The following TTN variants were observed in gnomAD, a reference collection of about 807,000 sequenced individuals.
TTN encodes the protein connectin.
In TTN, 1,525 loss-of-function variants were observed where a neutral mutation model predicts 3,223.0. That is an observed-to-expected ratio of 0.47 (90% confidence interval 0.45 to 0.49). TTN has a LOEUF of 0.49. TTN is among the 20% of genes least tolerant of loss of function. The pLI, the probability that TTN is intolerant of heterozygous loss-of-function variation, is 0.00. For missense variants in TTN, 40,786 were observed against 43,424.0 expected (o/e 0.94, Z 5.40); for synonymous variants, 14,094 against 15,161.0 (o/e 0.93, Z 5.17).
chr2:178,556,756 A>C lies in TTN; in HGVS notation c.88306+92T>G, dbSNP rs571644554. The C allele has an allele frequency of 2.1e-6, 3 of 1,456,172 alleles. No individual in the cohort carries two copies. The South Asian group carries it at 3.7e-5, about 18-fold the overall frequency. 90.2% of individuals were successfully genotyped at this position (1,456,172 alleles called of 1,614,324 possible). ...CAAAAACCCCATTAAGGCACAGAGT[A>C]AAAGTTATTCTATAGGATTAGAACC... On this transcript the variant is annotated intron_variant, in intron 330 of 362. Transcript: ENST00000589042.
At chr2:178,725,222 A>T in intron 71 of TTN, 146 bp downstream of exon 71, 1 of 871,184 alleles carries the variant, frequency 1.1e-6, no homozygotes, top group Non-Finnish European at 1.6e-6. Context: ...TGTTTGAAAG[A>T]TCAACTATGT....
Position 178,534,684 on chromosome 2 carries a change from A to C in TTN, c.101931T>G (p.Thr33977=), listed in dbSNP as rs1317238851. The C allele has an allele frequency of 6.2e-7, 1 of 1,613,834 alleles. No individual in the cohort carries two copies. Among genetic ancestry groups the C allele is most frequent in the South Asian group, 1.1e-5 (1 of 91,082 alleles). Residue 33977 remains threonine (T), a synonymous_variant, in exon 358 of 363, where the codon ACT becomes ACG. Coordinates refer to ENST00000589042, the MANE Select transcript of TTN (RefSeq NM_001267550.2). The stretch of plus-strand genomic sequence containing the variant: ...CTTCAGGTGCATAGTATTCTGGGGC[A>C]GTGAATAGAAGCCTGAAGTTGTCCC... ...KPGDNFRLLF[T]APEYYAPEVH...
chr2:178,753,119 A>G lies in TTN; in HGVS notation c.11311+5T>C, dbSNP rs1156357413. 2 of 1,607,950 alleles carry G rather than the reference A, an allele frequency of 1.2e-6. No individual in the cohort carries two copies. The highest frequency in any genetic ancestry group is 1.7e-6 in the Non-Finnish European group (2 of 1,176,158). On this transcript the variant is annotated splice_donor_5th_base_variant and intron_variant, in intron 47 of 362. Coordinates refer to ENST00000589042, the MANE Select transcript of TTN (RefSeq NM_001267550.2). Reference sequence around the variant, plus strand: ...ACTTAAATCTCACATCCATTATAACAATACCTTTCATTTCCATCTCAATCT... The same window carrying G: ...ACTTAAATCTCACATCCATTATAACGATACCTTTCATTTCCATCTCAATCT...
At chr2:178,647,356 CA>C (rs768343861) in intron 214 of TTN, 24 bp downstream of exon 214, 21 of 1,547,590 alleles carry the variant, frequency 1.4e-5, no homozygotes, top group Non-Finnish European at 1.1e-5. Flanking sequence ...GTCATCTTTC[CA>C]AGATTTATGG....
At position 178,605,615 on chromosome 2, in the gene TTN, T is replaced by C. The variant is rs1200778787; in HGVS notation, c.53680A>G (p.Ile17894Val). 6.2e-7 allele frequency: 1 copy of C among 1,612,326 alleles called. No homozygotes were observed. The highest frequency in any genetic ancestry group is 8.5e-7 in the Non-Finnish European group (1 of 1,178,830). Reference protein sequence around the residue: ...KEPRSNGGSPIQGYIIEKRRH... With the variant: ...KEPRSNGGSPVQGYIIEKRRH... Reference sequence around the variant, plus strand: ...CGTTTTTCAATGATATATCCTTGGATGGGACTGCCACCATTACTGCGGGGC... The same window carrying C: ...CGTTTTTCAATGATATATCCTTGGACGGGACTGCCACCATTACTGCGGGGC... The change falls in exon 279 of 363, where the codon ATC becomes GTC. Residue 17894 changes from isoleucine (I) to valine (V), a missense_variant. Transcript: ENST00000589042.
At chr2:178,614,397 T>C (rs1310955969) in intron 261 of TTN, 49 bp from the exon 262 acceptor site, 2 of 1,578,844 alleles carry the variant, frequency 1.3e-6, no homozygotes, top group Non-Finnish European at 8.6e-7. Flanking sequence ...CACCATTTTT[T>C]TTATTTTTTT....
chr2:178,710,457 A>G (rs959300169), intron 98 of TTN, among the ~76,000 whole-genome samples, 178 bp downstream of exon 98: 6 of 152,226 alleles, frequency 3.9e-5, no homozygotes, highest in Non-Finnish European at 8.8e-5. Context: ...GAGGAAAGAA[A>G]GAAATACAGA....
Position 178,553,285 on chromosome 2 carries a change from G to T in TTN, c.89615C>A (p.Thr29872Lys). The change falls in exon 335 of 363, where the codon ACA becomes AAA. Residue 29872 changes from threonine (T) to lysine (K), a missense_variant. Coordinates refer to ENST00000589042, the MANE Select transcript of TTN (RefSeq NM_001267550.2). ...AAGATTCTTCTCATCTTTTCTCCAT[G>T]TGACAGTAGGTGGAGGTCTGCCTTT... is the stretch of plus-strand genomic sequence containing the variant. The part of the protein sequence containing the change: ...PFKGRPPPTV[T>K]WRKDEKNLGS... The T allele has an allele frequency of 6.2e-7, 1 of 1,609,760 alleles. No homozygotes were observed. The highest frequency in any genetic ancestry group is 8.5e-7 in the Non-Finnish European group (1 of 1,179,800).
intron 43 of TTN, among the ~76,000 whole-genome samples, chr2:178,763,371 AATCTTGAT>A (rs2089706177): frequency 6.6e-6 from 1 of 152,248 alleles, no homozygotes; most frequent in African/African-American, 2.4e-5. Flanking sequence ...TACCTAACTT[AATCTTGAT>A]AATAATCTTA....
intron 49 of TTN, chr2:178,737,178 C>T (rs1458867704): frequency 1.3e-5 from 2 of 152,000 alleles, no homozygotes; most frequent in Non-Finnish European, 2.9e-5. Context: ...GAAAAGCTTG[C>T]TACTAATATT....
At position 178,722,151 on chromosome 2, in the gene TTN, A is replaced by C. The variant is rs762364237; in HGVS notation, c.22529-17T>G. 1 of 1,537,646 alleles carries C rather than the reference A, an allele frequency of 6.5e-7. No homozygotes were observed. The highest frequency in any genetic ancestry group is 8.7e-7 in the Non-Finnish European group (1 of 1,146,080). On this transcript the variant is annotated splice_polypyrimidine_tract_variant and intron_variant, in intron 77 of 362. Coordinates refer to ENST00000589042, the MANE Select transcript of TTN (RefSeq NM_001267550.2). ...TCTTGGGTTCTGGAGGATGAGAAGA[A>C]AGGCAATGTGTATTTTTTGTTTGTT...
rs993206696 is a variant in TTN, at chr2:178,677,265, A to G, written c.34314T>C (p.Pro11438=). ...PAPVPEVPKK[P]VPEKKVPVPA... is the part of the protein sequence containing the mutation. ...GAACAGGGACTTTCTTCTCTGGTAC[A>G]GGTTTCTTTGGCACTTCAGGCACTT... is the stretch of plus-strand genomic sequence containing the variant. Residue 11438 remains proline (P), a synonymous_variant, in exon 147 of 363, where the codon CCT becomes CCC. Coordinates refer to ENST00000589042, the MANE Select transcript of TTN (RefSeq NM_001267550.2). The G allele has an allele frequency of 3.3e-6, 4 of 1,216,544 alleles. No homozygotes were observed. In the South Asian group the frequency reaches 1.7e-4, roughly 51 times the overall value. 75.4% of individuals were successfully genotyped at this position (1,216,544 alleles called of 1,614,324 possible). A position where few individuals can be genotyped will look rare whatever the true frequency, so the allele number is the denominator to read the frequency against.
In TTN at chr2:178,576,309, A is replaced by T. The variant is rs267599039; in HGVS notation, c.69823T>A (p.Tyr23275Asn). ...HYDGGLEITG[Y>N]VVEHQKVGDE... ...CCTACTTTTTGATGCTCCACGACAT[A>T]GCCAGTGATTTCAAGTCCACCATCA... Residue 23275 changes from tyrosine to asparagine, a missense_variant, in exon 326 of 363, where the codon TAT (tyrosine) becomes AAT (asparagine). Physicochemically the swap from Tyr to Asn is moderately radical, Grantham distance 143. Transcript: ENST00000589042. The surrounding 1 kb of genome is among the most constrained non-coding windows in gnomAD (Gnocchi z 4.3). 1 of 1,577,552 alleles carries T rather than the reference A, an allele frequency of 6.3e-7. No homozygotes were observed. The highest frequency in any genetic ancestry group is 1.9e-5 in the Admixed American group (1 of 52,980).
intron 47 of TTN, chr2:178,746,951 G>A (rs529478042): frequency 4.3e-6 from 7 of 1,613,552 alleles, no homozygotes; most frequent in Non-Finnish European, 5.9e-6. Flanking sequence ...TTCTGTAGGT[G>A]TGTAGAAATG....
In TTN at chr2:178,621,637, A is replaced by T; in HGVS notation, c.45187T>A (p.Trp15063Arg). 6.2e-7 allele frequency: 1 copy of T among 1,612,438 alleles called. No homozygotes were observed. The highest frequency in any genetic ancestry group is 1.3e-5 in the African/African-American group (1 of 74,906). ...ATGATCTCCTCATCCCCTTTATACC[A>T]AATCACTTCTGCGCCAGGTTTGGAG... The part of the protein sequence containing the change: ...EVSKPGAEVI[W>R]YKGDEEIIET... The change falls in exon 245 of 363, where the codon TGG becomes AGG. Residue 15063 changes from tryptophan (W) to arginine (R), a missense_variant. Physicochemically the swap from Trp to Arg is moderately radical, Grantham distance 101. Coordinates refer to ENST00000589042, the MANE Select transcript of TTN (RefSeq NM_001267550.2).
rs2067130950 is a variant in TTN at position 178,672,236 on chromosome 2, A to T, written c.34962T>A (p.Val11654=). The change falls in exon 155 of 363, where the codon GTT becomes GTA. Residue 11654 remains valine, a synonymous_variant. Coordinates refer to ENST00000589042, the MANE Select transcript of TTN (RefSeq NM_001267550.2). ...TTACTACTACTTCTTGGCGGAAGGCAACTGATACTTTTTCTTCAAGGACAG... is the reference window on the plus strand; with the variant it reads ...TTACTACTACTTCTTGGCGGAAGGCTACTGATACTTTTTCTTCAAGGACAG... ...GRTVLEEKVS[V]AFRQEVVVKE... 6.4e-7 allele frequency: 1 copy of T among 1,569,728 alleles called. No individual in the cohort carries two copies. The highest frequency in any genetic ancestry group is 1.4e-5 in the African/African-American group (1 of 73,258).
At position 178,543,465 on chromosome 2, in the gene TTN, C is replaced by T; in HGVS notation, c.96508G>A (p.Val32170Ile). 6.2e-7 allele frequency: 1 copy of T among 1,613,766 alleles called. No individual in the cohort carries two copies. Among genetic ancestry groups the T allele is most frequent in the Non-Finnish European group, 8.5e-7 (1 of 1,179,760 alleles). Residue 32170 changes from valine to isoleucine, a missense_variant, in exon 347 of 363, where the codon GTA becomes ATA. Coordinates refer to ENST00000589042, the MANE Select transcript of TTN (RefSeq NM_001267550.2). ...SKTLYRISGL[V>I]EGTMYYFRVL... ...CTGAAATAGTACATGGTTCCTTCTA[C>T]AAGTCCAGAAATTCTGTAAAGTGTC...
Position 178,613,768 on chromosome 2 carries a change from T to C in TTN, c.49515A>G (p.Val16505=), listed in dbSNP as rs536137729. 1 of 1,612,456 alleles carries C rather than the reference T, an allele frequency of 6.2e-7. No homozygotes were observed. The highest frequency in any genetic ancestry group is 2.2e-5 in the East Asian group (1 of 44,752). Reference sequence around the variant, plus strand: ...GAGCATACCTGTATGTTGTGTCCTTTACTGGCATCTTATTGCATCTAACCC... The same window carrying C: ...GAGCATACCTGTATGTTGTGTCCTTCACTGGCATCTTATTGCATCTAACCC... ...DKWVRCNKMP[V]KDTTYRVKGL... is the part of the protein sequence containing the mutation. Residue 16505 remains valine (V), a synonymous_variant, in exon 263 of 363, where the codon GTA becomes GTG. Transcript: ENST00000589042.
chr2:178,572,621 C>T lies in TTN; in HGVS notation c.73511G>A (p.Ser24504Asn). 1 of 1,613,206 alleles carries T rather than the reference C, an allele frequency of 6.2e-7. No individual in the cohort carries two copies. Among genetic ancestry groups the T allele is most frequent in the South Asian group, 1.1e-5 (1 of 90,994 alleles). ...SGKYILTVEN[S>N]SGSKSAFVNV... ...GACAAATGCAGACTTGCTGCCTGAA[C>T]TATTTTCTACAGTTAGTATATATTT... Residue 24504 changes from serine (S) to asparagine (N), a missense_variant, in exon 326 of 363, where the codon AGT becomes AAT. By Grantham distance (46) the Ser-to-Asn change is conservative. Coordinates refer to ENST00000589042, the MANE Select transcript of TTN (RefSeq NM_001267550.2).
Sources: gnomAD v4.1 joint callset for allele counts (sites outside exome capture counted in the v4.1 genomes callset) on GRCh38, gnomAD v4.1.1 for gene constraint, Gnocchi (gnomAD v3.1) non-coding constraint, MANE v1.5 for transcripts, NCBI Gene and HGNC (gene_info 2026-07-23, HGNC 2026-07-21) for gene names.